PCOLCE2: variants seen among roughly 807,000 people sequenced by gnomAD.
The protein encoded by PCOLCE2 is procollagen C-endopeptidase enhancer 2.
PCOLCE2 carries 42 observed loss-of-function variants against 47.0 expected under a neutral mutation model. That is an observed-to-expected ratio of 0.89 (90% CI 0.70 to 1.16). The LOEUF (loss-of-function observed/expected upper bound fraction) is 1.16, where lower values mean the gene tolerates loss of function less well. Among genes scored for constraint, PCOLCE2 ranks in the 50% most tolerant of loss-of-function variants. The pLI is 0.00. For synonymous variants in PCOLCE2, 169 were observed against 191.7 expected (o/e 0.88, Z 0.98); for missense variants, 500 against 526.1 (o/e 0.95, Z 0.49).
At chr3:142,835,527 A>G (rs1344392683) in intron 5 of PCOLCE2, among the ~76,000 whole-genome samples, 1 of 152,186 alleles carries the variant, frequency 6.6e-6, no homozygotes, top group African/African-American at 2.4e-5. Context: ...ATTATTTAGT[A>G]TAACACTTTT....
intron 2 of PCOLCE2, among the ~76,000 whole-genome samples, chr3:142,857,650 C>T (rs958247324): frequency 6.6e-6 from 1 of 152,222 alleles, no homozygotes. Context: ...GACAGGTACA[C>T]ATCAGAACTG....
intron 2 of PCOLCE2, among the ~76,000 whole-genome samples, chr3:142,850,517 A>T (rs1422112117): frequency 6.6e-6 from 1 of 152,118 alleles, no homozygotes; most frequent in Non-Finnish European, 1.5e-5. Flanking sequence ...AACAAGTAGG[A>T]GGCAACCAAA....
In PCOLCE2 at chr3:142,889,011, C is replaced by T. The variant is rs113870461; in HGVS notation, c.-115G>A. 6.5e-4 allele frequency: 176 copies of T among 270,800 alleles called. No individual in the cohort carries two copies. The highest frequency in any genetic ancestry group is 1.1e-3 in the Non-Finnish European group (157 of 144,472). 16.8% of individuals were successfully genotyped at this position (270,800 alleles called of 1,614,324 possible). The stretch of plus-strand genomic sequence containing the variant: ...CACTGGCAGCAGCGCTGGCTCACAC[C>T]GGCGCTCGGCTGCCCGCGCGCTCCC... On this transcript the variant is annotated 5_prime_UTR_variant, in exon 1 of 9. Coordinates refer to ENST00000295992, the MANE Select transcript of PCOLCE2 (RefSeq NM_013363.4).
chr3:142,883,489 G>A (rs1170636879), intron 2 of PCOLCE2, among the ~76,000 whole-genome samples: 2 of 151,138 alleles, frequency 1.3e-5, no homozygotes, highest in African/African-American at 2.4e-5. Flanking sequence ...GCATGATCTC[G>A]GCTCACTGCA....
chr3:142,866,544 CTT>C (rs1933286234), intron 2 of PCOLCE2, among the ~76,000 whole-genome samples: 2 of 152,076 alleles, frequency 1.3e-5, no homozygotes, highest in Non-Finnish European at 2.9e-5. Context: ...TCTGGAGTAT[CTT>C]GACTAATATA....
rs978602315 is a variant in PCOLCE2 at position 142,867,084 on chromosome 3, C to A, written c.193-18612G>T. Reference sequence around the variant, plus strand: ...TTTTTCAAGGGCTATGTGAATGACACGCCTGGTCAAACCAATCCCCTGGGC... The same window carrying A: ...TTTTTCAAGGGCTATGTGAATGACAAGCCTGGTCAAACCAATCCCCTGGGC... On this transcript the variant is annotated intron_variant, in intron 2 of 8. Transcript: ENST00000295992. Among the ~76,000 whole-genome samples the A allele has an allele frequency of 2.6e-5, 4 of 152,182 alleles. No individual in the cohort carries two copies. The East Asian group carries it at 7.7e-4, about 29-fold the overall frequency.
chr3:142,843,686 G>T (rs1937293565), intron 3 of PCOLCE2, among the ~76,000 whole-genome samples: 1 of 151,960 alleles, frequency 6.6e-6, no homozygotes, highest in Admixed American at 6.6e-5. Context: ...CTCATAAGTT[G>T]CATATGTACC....
intron 5 of PCOLCE2, among the ~76,000 whole-genome samples, chr3:142,836,624 G>A (rs1171973344): frequency 6.6e-6 from 1 of 152,172 alleles, no homozygotes; most frequent in Non-Finnish European, 1.5e-5. Context: ...CATATTGCTA[G>A]AAAATGAAGC....
chr3:142,837,364 G>A lies in PCOLCE2; in HGVS notation c.710+1406C>T, dbSNP rs73864465. Among the ~76,000 whole-genome samples the A allele has an allele frequency of 6.4e-3, 976 of 152,234 alleles. 14 individuals carry two copies. Among genetic ancestry groups the A allele is most frequent in the African/African-American group, 0.023 (935 of 41,528 alleles). Reference sequence around the variant, plus strand: ...AGAATTATCTAGGAACTTAGAAATAGGCCCTTCTCCAATATATTCATCTGT... The same window carrying A: ...AGAATTATCTAGGAACTTAGAAATAAGCCCTTCTCCAATATATTCATCTGT... On this transcript the variant is annotated intron_variant, in intron 5 of 8. Transcript: ENST00000295992.
chr3:142,850,551 C>T (rs1033578150), intron 2 of PCOLCE2, among the ~76,000 whole-genome samples: 5 of 151,982 alleles, frequency 3.3e-5, no homozygotes, highest in African/African-American at 7.3e-5. Flanking sequence ...GGAAGCCAGG[C>T]GAAGAGAGTA....
chr3:142,820,058 G>A (rs1936994696), intron 8 of PCOLCE2, among the ~76,000 whole-genome samples: 1 of 151,918 alleles, frequency 6.6e-6, no homozygotes, highest in African/African-American at 2.4e-5. Flanking sequence ...TTCCATAAGT[G>A]TATATGCCCA....
chr3:142,860,257 C>T (rs905153185), intron 2 of PCOLCE2, among the ~76,000 whole-genome samples: 4 of 152,088 alleles, frequency 2.6e-5, no homozygotes, highest in Non-Finnish European at 5.9e-5. Context: ...TTGACTTAGC[C>T]CTTTTAAACT....
intron 2 of PCOLCE2, among the ~76,000 whole-genome samples, chr3:142,880,236 A>G (rs1316469113): frequency 1.3e-5 from 2 of 149,836 alleles, no homozygotes; most frequent in Admixed American, 6.6e-5. Flanking sequence ...ATACATATAC[A>G]TTAAAAAAAA....
intron 2 of PCOLCE2, among the ~76,000 whole-genome samples, chr3:142,852,647 A>G (rs1932974057): frequency 6.9e-6 from 1 of 144,720 alleles, no homozygotes; most frequent in Non-Finnish European, 1.5e-5. Context: ...GCTGATCAAA[A>G]TGTGTGTGTG....
Position 142,879,852 on chromosome 3 carries a change from T to C in PCOLCE2, c.192+7817A>G, listed in dbSNP as rs979706477. 2.0e-5 allele frequency among the ~76,000 whole-genome samples: 3 copies of C among 151,396 alleles called. No homozygotes were observed. The East Asian group carries it at 5.9e-4, about 30-fold the overall frequency. On this transcript the variant is annotated intron_variant, in intron 2 of 8. Transcript: ENST00000295992. ...AGGCGTGGTGGGGGGGCGCCTGTAG[T>C]CCCAGCTACTGGGGAGGCTGAGGCA...
intron 5 of PCOLCE2, among the ~76,000 whole-genome samples, chr3:142,830,617 G>A (rs1364435118): frequency 6.6e-6 from 1 of 152,190 alleles, no homozygotes; most frequent in African/African-American, 2.4e-5. Context: ...CTAATTTTAG[G>A]AGCTTCCTGG....
At position 142,870,705 on chromosome 3, in the gene PCOLCE2, A is replaced by ATT. The variant is rs1485349857; in HGVS notation, c.192+16963_192+16964insAA. 2.2e-5 allele frequency among the ~76,000 whole-genome samples: 3 copies of ATT among 137,888 alleles called. No individual in the cohort carries two copies. In the South Asian group the frequency reaches 6.6e-4, roughly 30 times the overall value. The allele number at this position is 137,888 out of a possible 152,430, so 90.5% of individuals were successfully genotyped here. On this transcript the variant is annotated intron_variant, in intron 2 of 8. Coordinates refer to ENST00000295992, the MANE Select transcript of PCOLCE2 (RefSeq NM_013363.4). ...TATTGCCATTATCAGTGAATGAGGC[A>ATT]ATTTTTTTTTTTTTTTTTTTTACTA... is the stretch of plus-strand genomic sequence containing the variant.
At chr3:142,872,701 C>G (rs146809159) in intron 2 of PCOLCE2, among the ~76,000 whole-genome samples, 1 of 152,142 alleles carries the variant, frequency 6.6e-6, no homozygotes. Context: ...GAAAAAAAAT[C>G]TTGCCTCCTG....
intron 5 of PCOLCE2, among the ~76,000 whole-genome samples, chr3:142,832,757 G>A (rs1288421372): frequency 6.7e-6 from 1 of 148,568 alleles, no homozygotes; most frequent in Non-Finnish European, 1.5e-5. Context: ...AGAATTCAAT[G>A]GCATTGATCT....
Sources: allele counts gnomAD v4.1 joint callset (sites outside exome capture counted in the v4.1 genomes callset), GRCh38; gene constraint gnomAD v4.1.1; transcripts MANE v1.5; gene names NCBI Gene and HGNC (gene_info 2026-07-23, HGNC 2026-07-21).